The following TGFA variants were observed in gnomAD, a reference collection of about 807,000 sequenced individuals.
TGFA encodes protransforming growth factor alpha.
Under a neutral mutation model 21.7 loss-of-function variants are expected in TGFA, and 12 were observed. The ratio of observed to expected loss-of-function variants is 0.55; its 90% CI spans 0.35 to 0.90. TGFA has a LOEUF of 0.90. Among genes scored for constraint, TGFA ranks in the 40% least tolerant of loss-of-function variants. The pLI is 0.01. For missense variants in TGFA, 178 were observed against 210.8 expected (o/e 0.84, Z 0.96); for synonymous variants, 79 against 88.1 (o/e 0.90, Z 0.58).
rs1553489656 is a variant in TGFA at position 70,451,784 on chromosome 2, G to C, written c.476-918C>G. ...AGCTGAAAGGAGATGTTGAGAGGGG[G>C]CTTTAGAGGCCCTGGTTCTCATCCT... On this transcript the variant is annotated intron_variant, in intron 5 of 5. Transcript: ENST00000295400. 7.1e-6 allele frequency: 5 copies of C among 701,084 alleles called. No homozygotes were observed. In the East Asian group the frequency reaches 1.1e-4, roughly 15 times the overall value. The allele number at this position is 701,084 out of a possible 1,614,324, so 43.4% of individuals were successfully genotyped here.
At chr2:70,500,336 T>G (rs548104272) in intron 2 of TGFA, among the ~76,000 whole-genome samples, 27 of 152,298 alleles carry the variant, frequency 1.8e-4, no homozygotes, top group Admixed American at 8.5e-4. Flanking sequence ...GTATCAGCCT[T>G]TGAACACCAA....
chr2:70,521,617 G>GTTTTTTTTTTTTTTTTTTTTTTTTTTTT (rs35177436), intron 1 of TGFA, among the ~76,000 whole-genome samples: 3 of 87,094 alleles, frequency 3.4e-5, no homozygotes, highest in African/African-American at 1.4e-4. Context: ...TTGTTTGTTT[G>GTTTTTTTTTTTTTTTTTTTTTTTTTTTT]TTTTTTTTTT....
At chr2:70,491,867 A>G (rs1553497692) in intron 2 of TGFA, among the ~76,000 whole-genome samples, 3 of 152,228 alleles carry the variant, frequency 2.0e-5, no homozygotes, top group African/African-American at 7.2e-5. Context: ...CACATCATAG[A>G]GTAAGAGTGC....
intron 1 of TGFA, among the ~76,000 whole-genome samples, chr2:70,550,278 A>G (rs191606263): frequency 1.2e-3 from 183 of 151,204 alleles, no homozygotes; most frequent in African/African-American, 4.3e-3. Context: ...TGCAGTCCTT[A>G]TTTTTTTTTA....
At chr2:70,482,339 T>C (rs1488989725) in intron 2 of TGFA, among the ~76,000 whole-genome samples, 1 of 152,192 alleles carries the variant, frequency 6.6e-6, no homozygotes, top group Admixed American at 6.5e-5. Flanking sequence ...AAGCCTTGCC[T>C]AAAGATGTAG....
chr2:70,528,244 T>G (rs1354056652), intron 1 of TGFA, among the ~76,000 whole-genome samples: 2 of 152,232 alleles, frequency 1.3e-5, no homozygotes, highest in Non-Finnish European at 2.9e-5. Context: ...TTTGAACAAT[T>G]GCTCATTAAT....
At position 70,517,954 on chromosome 2, in the gene TGFA, A is replaced by C. The variant is rs1009968149; in HGVS notation, c.41-3042T>G. 5.2e-5 allele frequency among the ~76,000 whole-genome samples: 8 copies of C among 152,392 alleles called. No individual in the cohort carries two copies. In the South Asian group the frequency reaches 1.7e-3, roughly 32 times the overall value. On this transcript the variant is annotated intron_variant, in intron 1 of 5. Coordinates refer to ENST00000295400, the MANE Select transcript of TGFA (RefSeq NM_003236.4). Reference sequence around the variant, plus strand: ...TCACCAGCTGCCCAGCCCTCTGGCCACACGACTGTGCTTAGAAAGCCAGGC... The same window carrying C: ...TCACCAGCTGCCCAGCCCTCTGGCCCCACGACTGTGCTTAGAAAGCCAGGC...
Position 70,459,029 on chromosome 2 carries a change from C to T in TGFA, c.216-2541G>A, listed in dbSNP as rs374273108. ...GGTTAGGGTTAGTGCTTCTTTCTCC[C>T]GGGGAAAGGTACCATAATGAGGATT... On this transcript the variant is annotated intron_variant, in intron 3 of 5. Transcript: ENST00000295400. 3.1e-4 allele frequency among the ~76,000 whole-genome samples: 47 copies of T among 152,282 alleles called. No individual in the cohort carries two copies. The East Asian group carries it at 4.6e-3, about 15-fold the overall frequency.
chr2:70,528,895 C>A lies in TGFA; in HGVS notation c.41-13983G>T, dbSNP rs73939725. On this transcript the variant is annotated intron_variant, in intron 1 of 5. Coordinates refer to ENST00000295400, the MANE Select transcript of TGFA (RefSeq NM_003236.4). ...AATGAAGCTACAGCTACACAGAATT[C>A]TTCCAGCCTCCTCTCCCTGTTCCTT... Among the ~76,000 whole-genome samples, 827 of 152,286 alleles carry A rather than the reference C, an allele frequency of 5.4e-3. 11 individuals are homozygous for A. Among genetic ancestry groups the A allele is most frequent in the African/African-American group, 0.019 (800 of 41,550 alleles).
intron 4 of TGFA, among the ~76,000 whole-genome samples, chr2:70,455,447 C>T (rs1312942596): frequency 2.0e-5 from 3 of 152,206 alleles, no homozygotes; most frequent in Non-Finnish European, 2.9e-5. Context: ...GGGGCCCATC[C>T]ACTGACTGTC....
chr2:70,487,569 G>A (rs1481248395), intron 2 of TGFA, among the ~76,000 whole-genome samples: 3 of 152,202 alleles, frequency 2.0e-5, no homozygotes, highest in Non-Finnish European at 4.4e-5. Context: ...GAGGTCAGGT[G>A]TAGAATTTTC....
chr2:70,495,125 G>A (rs1211050074), intron 2 of TGFA, among the ~76,000 whole-genome samples: 4 of 152,096 alleles, frequency 2.6e-5, no homozygotes, highest in African/African-American at 9.7e-5. Flanking sequence ...TACGTTTTTA[G>A]ATCTAGATTC....
intron 1 of TGFA, among the ~76,000 whole-genome samples, chr2:70,522,226 C>G (rs1435216887): frequency 6.6e-6 from 1 of 152,146 alleles, no homozygotes; most frequent in Non-Finnish European, 1.5e-5. Flanking sequence ...AGCTTGAAAA[C>G]AGAGTTAAAG....
At chr2:70,470,412 A>G (rs1559105495) in intron 2 of TGFA, among the ~76,000 whole-genome samples, 1 of 152,208 alleles carries the variant, frequency 6.6e-6, no homozygotes, top group Non-Finnish European at 1.5e-5. Flanking sequence ...AGATAGGAAT[A>G]TATATACTTG....
chr2:70,485,820 G>C (rs145245430), intron 2 of TGFA, among the ~76,000 whole-genome samples: 5 of 152,222 alleles, frequency 3.3e-5, no homozygotes, highest in African/African-American at 1.2e-4. Context: ...ACCCCACTCT[G>C]GTGGCTGGCT....
intron 1 of TGFA, among the ~76,000 whole-genome samples, chr2:70,547,546 A>G (rs1223076904): frequency 1.5e-4 from 1 of 6,844 alleles, no homozygotes; most frequent in African/African-American, 3.1e-4. Flanking sequence ...CCATCTCAAG[A>G]AAAAAAAAAA....
intron 2 of TGFA, among the ~76,000 whole-genome samples, chr2:70,504,477 C>CATATATATATATATATATATAT: frequency 1.5e-5 from 1 of 67,466 alleles, no homozygotes; most frequent in East Asian, 3.8e-4. Flanking sequence ...CACATACATA[C>CATATATATATATATATATATAT]ATACATACAC....
At chr2:70,525,980 A>G (rs987210572) in intron 1 of TGFA, among the ~76,000 whole-genome samples, 7 of 152,202 alleles carry the variant, frequency 4.6e-5, no homozygotes, top group Admixed American at 1.3e-4. Flanking sequence ...CCCAACAGAG[A>G]AAGTCTCTTC....
Position 70,486,609 on chromosome 2 carries a change from G to A in TGFA, c.95-20873C>T, listed in dbSNP as rs114457179. Among the ~76,000 whole-genome samples, 8 of 151,836 alleles carry A rather than the reference G, an allele frequency of 5.3e-5. No individual in the cohort carries two copies. The South Asian group carries it at 8.4e-4, about 16-fold the overall frequency. The stretch of plus-strand genomic sequence containing the variant: ...CCCAAGTAGCTGGGACTACAGGTGC[G>A]CGCTACCACACCAGGCTACTTTTTG... On this transcript the variant is annotated intron_variant, in intron 2 of 5. Transcript: ENST00000295400.
Sources: gnomAD v4.1 joint callset for allele counts (sites outside exome capture counted in the v4.1 genomes callset) on GRCh38, gnomAD v4.1.1 for gene constraint, MANE v1.5 for transcripts, NCBI Gene and HGNC (gene_info 2026-07-23, HGNC 2026-07-21) for gene names.